The following LMNA variants were observed in gnomAD, a reference collection of about 807,000 sequenced individuals.
The protein encoded by LMNA is lamin A/C, also known as lamin.
Under a neutral mutation model 70.4 loss-of-function variants are expected in LMNA, and 20 were observed. The ratio of observed to expected loss-of-function variants is 0.28; its 90% CI spans 0.20 to 0.41. The LOEUF (loss-of-function observed/expected upper bound fraction) is 0.41, where lower values mean the gene tolerates loss of function less well. LMNA is among the 10% of genes least tolerant of loss of function. LMNA has a pLI of 1.00. For synonymous variants in LMNA, 339 were observed against 372.8 expected (o/e 0.91, Z 1.04); for missense variants, 652 against 917.2 (o/e 0.71, Z 3.73).
chr1:156,139,691 C>G lies in LMNA; in HGVS notation c.*585C>G. ...TTCCTCTGCCTGCCCCGCCCCCAGT[C>G]CCCACCCCTGCCCCCAGCCCCGGGG... On this transcript the variant is annotated 3_prime_UTR_variant, in exon 12 of 12. Transcript: ENST00000368300. The G allele has an allele frequency of 1.3e-6, 2 of 1,488,156 alleles. No individual in the cohort carries two copies. Among genetic ancestry groups the G allele is most frequent in the Non-Finnish European group, 1.8e-6 (2 of 1,120,568 alleles). 92.2% of individuals were successfully genotyped at this position (1,488,156 alleles called of 1,614,324 possible).
Position 156,138,677 on chromosome 1 carries a change from G to T in LMNA, c.1888G>T (p.Gly630Trp). Residue 630 changes from glycine to tryptophan, a missense_variant, in exon 11 of 12, where the codon GGG (glycine) becomes TGG (tryptophan). Gly to Trp is a radical substitution (Grantham distance 184, BLOSUM62 -2). Coordinates refer to ENST00000368300, the MANE Select transcript of LMNA (RefSeq NM_170707.4). The surrounding 1 kb of genome is among the most constrained non-coding windows in gnomAD (Gnocchi z 5.5). ...VTVTRSYRSV[G>W]GSGGGSFGDN... ...GGTCACTCGCAGCTACCGCAGTGTG[G>T]GGGGCAGTGGGGGTGGCAGCTTCGG... 1 of 1,613,684 alleles carries T rather than the reference G, an allele frequency of 6.2e-7. No individual in the cohort carries two copies.
rs1572371553 is a variant in LMNA, at chr1:156,139,817, T to G, written c.*711T>G. On this transcript the variant is annotated 3_prime_UTR_variant, in exon 12 of 12. Transcript: ENST00000368300. ...GAGGTGGAAGAAGGGAGAAGAAAGG[T>G]GAGTTTGAGCTGCCTTCCCTAGCTT... 1.3e-6 allele frequency: 2 copies of G among 1,528,324 alleles called. No homozygotes were observed. The highest frequency in any genetic ancestry group is 1.7e-6 in the Non-Finnish European group (2 of 1,143,552). The allele number at this position is 1,528,324 out of a possible 1,614,324, so 94.7% of individuals were successfully genotyped here.
intron 1 of LMNA, among the ~76,000 whole-genome samples, chr1:156,120,907 G>T (rs191874717): frequency 6.6e-6 from 1 of 151,938 alleles, no homozygotes; most frequent in African/African-American, 2.4e-5. Flanking sequence ...TTGTCCACCC[G>T]GATTGAAAGG....
rs1650991296 is a variant in LMNA at position 156,130,771 on chromosome 1, A to G, written c.511A>G (p.Lys171Glu). 6.3e-7 allele frequency: 1 copy of G among 1,579,522 alleles called. No homozygotes were observed. Among genetic ancestry groups the G allele is most frequent in the Non-Finnish European group, 8.6e-7 (1 of 1,162,698 alleles). The change falls in exon 2 of 12, where the codon AAG (lysine) becomes GAG (glutamate). Residue 171 changes from lysine (K) to glutamate (E), a missense_variant and splice_region_variant. Transcript: ENST00000368300. ...GCATGATCTGCGGGGCCAGGTGGCC[A>G]AGGTGAGGCCACCCTGCAGGGCCCA... is the stretch of plus-strand genomic sequence containing the variant. ...ELHDLRGQVAKLEAALGEAKK... is the reference protein window; with the variant it reads ...ELHDLRGQVAELEAALGEAKK...
intron 3 of LMNA, among the ~76,000 whole-genome samples, chr1:156,094,318 G>C (rs1286373565): frequency 6.6e-6 from 1 of 152,124 alleles, no homozygotes; most frequent in Non-Finnish European, 1.5e-5. Flanking sequence ...TCATCCTTCA[G>C]ACCTGAGCTG....
chr1:156,133,271 A>G (rs1459143858), intron 2 of LMNA, among the ~76,000 whole-genome samples: 1 of 152,078 alleles, frequency 6.6e-6, no homozygotes, highest in African/African-American at 2.4e-5. Flanking sequence ...GTGCTTTCTT[A>G]AATGAAAATC....
At chr1:156,090,151 C>T (rs1261140846) in intron 2 of LMNA, among the ~76,000 whole-genome samples, 1 of 152,158 alleles carries the variant, frequency 6.6e-6, no homozygotes, top group Non-Finnish European at 1.5e-5. Context: ...TAACGAGATT[C>T]TGCAATGCAA....
At position 156,084,334 on chromosome 1, in the gene LMNA, GTGGT is replaced by G. The variant is rs370823689; in HGVS notation, c.-319+1151_-319+1154del. On this transcript the variant is annotated intron_variant, in intron 2 of 12. Coordinates refer to the LMNA transcript ENST00000368301. ...GCTGAGGATCTCAGAAGGTCGGGGG[GTGGT>G]GGGGGCAGTTGGCACACTGCAGGGA... is the stretch of plus-strand genomic sequence containing the variant. Among the ~76,000 whole-genome samples, 45 of 63,998 alleles carry G rather than the reference GTGGT, an allele frequency of 7.0e-4. 2 individuals carry two copies. Among genetic ancestry groups the G allele is most frequent in the Middle Eastern group, 6.3e-3 (1 of 158 alleles). The allele number at this position is 63,998 out of a possible 152,430, so 42.0% of individuals were successfully genotyped here.
chr1:156,104,850 C>G (rs1209502598), intron 3 of LMNA, among the ~76,000 whole-genome samples: 4 of 152,154 alleles, frequency 2.6e-5, no homozygotes, highest in African/African-American at 7.2e-5. Flanking sequence ...TTTGCTGGAC[C>G]CCATACTGCA....
chr1:156,127,089 A>C, intron 1 of LMNA: 1 of 652,160 alleles, frequency 1.5e-6, no homozygotes, highest in Non-Finnish European at 2.6e-6. Flanking sequence ...TCCTGATGCC[A>C]ACCCCCAGTG....
At chr1:156,095,339 T>A (rs1372987703) in intron 3 of LMNA, among the ~76,000 whole-genome samples, 1 of 152,150 alleles carries the variant, frequency 6.6e-6, no homozygotes, top group African/African-American at 2.4e-5. Flanking sequence ...AGGCATTCAA[T>A]AAAAATTTAT....
At chr1:156,102,813 C>T (rs1649189221) in intron 3 of LMNA, among the ~76,000 whole-genome samples, 3 of 152,230 alleles carry the variant, frequency 2.0e-5, no homozygotes, top group East Asian at 1.9e-4. Flanking sequence ...TCAAACTTTC[C>T]GATGGGAGTT....
chr1:156,084,335 T>TGGGGGGGG (rs1491154815), intron 2 of LMNA, among the ~76,000 whole-genome samples: 1 of 91,638 alleles, frequency 1.1e-5, no homozygotes. Context: ...GGTCGGGGGG[T>TGGGGGGGG]GGTGGGGGCA....
At chr1:156,104,197 T>TGTATG (rs2102802211) in intron 3 of LMNA, among the ~76,000 whole-genome samples, 2 of 152,252 alleles carry the variant, frequency 1.3e-5, no homozygotes, top group South Asian at 4.1e-4. Flanking sequence ...AAGAGGTGCG[T>TGTATG]GTATGGAGGG....
intron 2 of LMNA, among the ~76,000 whole-genome samples, chr1:156,087,823 G>T (rs534323452): frequency 2.0e-5 from 3 of 151,742 alleles, no homozygotes; most frequent in Admixed American, 2.0e-4. Context: ...AAAGTGCTGC[G>T]ATTATAGGAA....
At chr1:156,127,096 A>G in intron 1 of LMNA, 1 of 641,142 alleles carries the variant, frequency 1.6e-6, no homozygotes, top group Non-Finnish European at 2.6e-6. Context: ...GCCAACCCCC[A>G]GTGGAGTGGG....
intron 1 of LMNA, among the ~76,000 whole-genome samples, chr1:156,119,551 G>A (rs373519979): frequency 7.2e-5 from 11 of 152,322 alleles, no homozygotes; most frequent in African/African-American, 2.2e-4. Context: ...ATGAGCTACC[G>A]CACCTGGTAC....
In LMNA at chr1:156,135,399, G is replaced by C; in HGVS notation, c.936+87G>C. On this transcript the variant is annotated intron_variant, in intron 5 of 11. Transcript: ENST00000368300. The surrounding 1 kb of genome is among the most constrained non-coding windows in gnomAD (Gnocchi z 4.8). ...AGCCCAGGGTTGGGGGTGGGGGTGGGGGTGGGAGGTTCCTGAGGAGGAGAG... is the reference window on the plus strand; with the variant it reads ...AGCCCAGGGTTGGGGGTGGGGGTGGCGGTGGGAGGTTCCTGAGGAGGAGAG... 2 of 1,458,132 alleles carry C rather than the reference G, an allele frequency of 1.4e-6. No homozygotes were observed. The highest frequency in any genetic ancestry group is 2.0e-5 in the Admixed American group (1 of 50,650). 90.3% of individuals were successfully genotyped at this position (1,458,132 alleles called of 1,614,324 possible). A position where few individuals can be genotyped will look rare whatever the true frequency, so the allele number is the denominator to read the frequency against.
intron 1 of LMNA, chr1:156,126,916 G>A (rs1385802193): frequency 1.3e-6 from 2 of 1,598,260 alleles, no homozygotes; most frequent in South Asian, 1.1e-5. Flanking sequence ...GGTCTCCCCT[G>A]TGAGCACTAG....
Sources: gnomAD v4.1 joint callset for allele counts (sites outside exome capture counted in the v4.1 genomes callset) on GRCh38, gnomAD v4.1.1 for gene constraint, Gnocchi (gnomAD v3.1) non-coding constraint, MANE v1.5 for transcripts, NCBI Gene and HGNC (gene_info 2026-07-23, HGNC 2026-07-21) for gene names.